The following SDC2 variants were observed in gnomAD, a reference collection of about 807,000 sequenced individuals.
The protein encoded by SDC2 is syndecan-2.
Under a neutral mutation model 22.2 loss-of-function variants are expected in SDC2, and 13 were observed. The ratio of observed to expected loss-of-function variants is 0.59; its 90% CI spans 0.38 to 0.93. The LOEUF is 0.93. SDC2 is among the 40% of genes least tolerant of loss of function. The pLI is 0.00. For missense variants in SDC2, 235 were observed against 246.8 expected, an observed-to-expected ratio of 0.95 and a Z score of 0.32; for synonymous variants, 94 against 92.8, an observed-to-expected ratio of 1.01 and a Z score of -0.07.
intron 1 of SDC2, among the ~76,000 whole-genome samples, chr8:96,539,311 A>C (rs1177766858): frequency 6.6e-6 from 1 of 152,152 alleles, no homozygotes; most frequent in Non-Finnish European, 1.5e-5. Flanking sequence ...AGATGATATA[A>C]AATTATTTTC....
intron 1 of SDC2, among the ~76,000 whole-genome samples, chr8:96,495,077 G>C (rs996259420): frequency 6.6e-6 from 1 of 152,180 alleles, no homozygotes; most frequent in Non-Finnish European, 1.5e-5. Flanking sequence ...GGGGCGTCAG[G>C]GACGGGAGGA....
At chr8:96,589,200 C>T (rs1336902306) in intron 1 of SDC2, among the ~76,000 whole-genome samples, 1 of 152,134 alleles carries the variant, frequency 6.6e-6, no homozygotes, top group Admixed American at 6.5e-5. Flanking sequence ...CTCAATTTTC[C>T]AACCTAAAGG....
chr8:96,525,165 C>G (rs566876019), intron 1 of SDC2, among the ~76,000 whole-genome samples: 4 of 152,184 alleles, frequency 2.6e-5, no homozygotes, highest in African/African-American at 7.2e-5. Flanking sequence ...TTGAAATGTT[C>G]AAGGCTGTCC....
intron 2 of SDC2, among the ~76,000 whole-genome samples, chr8:96,598,570 AT>A (rs1338351241): frequency 6.6e-6 from 1 of 152,118 alleles, no homozygotes; most frequent in Non-Finnish European, 1.5e-5. Flanking sequence ...GTGAGCTGTG[AT>A]TGCACTATTG....
At chr8:96,608,579 C>T in intron 4 of SDC2, 109 bp downstream of exon 4, 1 of 1,017,880 alleles carries the variant, frequency 9.8e-7, no homozygotes, top group Non-Finnish European at 1.4e-6. Context: ...CTGCTGAAAG[C>T]AGTCTTGTGG....
intron 1 of SDC2, among the ~76,000 whole-genome samples, chr8:96,569,987 G>A (rs1814364769): frequency 1.3e-5 from 2 of 152,230 alleles, no homozygotes; most frequent in Admixed American, 1.3e-4. Context: ...AGTCACCTCT[G>A]AAATGGCAAT....
At chr8:96,584,935 C>T (rs1814656789) in intron 1 of SDC2, 1 of 152,192 alleles carries the variant, frequency 6.6e-6, no homozygotes, top group African/African-American at 2.4e-5. Context: ...CTGTTGTTGC[C>T]AGAAAATTTA....
At chr8:96,552,118 C>G (rs1414632764) in intron 1 of SDC2, among the ~76,000 whole-genome samples, 1 of 152,224 alleles carries the variant, frequency 6.6e-6, no homozygotes, top group Non-Finnish European at 1.5e-5. Flanking sequence ...TGATGTTGCT[C>G]TTTTCTCACG....
chr8:96,540,331 T>C (rs1433793787), intron 1 of SDC2, among the ~76,000 whole-genome samples: 3 of 110,246 alleles, frequency 2.7e-5, no homozygotes, highest in Non-Finnish European at 6.1e-5. Flanking sequence ...GTCTCTACTA[T>C]ATATATGTGT....
intron 1 of SDC2, among the ~76,000 whole-genome samples, chr8:96,529,971 G>A (rs560683592): frequency 1.3e-5 from 2 of 152,194 alleles, no homozygotes; most frequent in South Asian, 4.1e-4. Flanking sequence ...ATCTTTCTGG[G>A]AATGATGTGC....
chr8:96,593,272 T>C (rs1444414596), intron 1 of SDC2, among the ~76,000 whole-genome samples: 1 of 152,222 alleles, frequency 6.6e-6, no homozygotes, highest in Non-Finnish European at 1.5e-5. Context: ...CTGTGTAGGC[T>C]TCCCTTGCAG....
intron 1 of SDC2, among the ~76,000 whole-genome samples, chr8:96,557,677 A>G (rs575588096): frequency 1.8e-4 from 28 of 152,266 alleles, no homozygotes; most frequent in African/African-American, 6.3e-4. Flanking sequence ...CTAATGGTAG[A>G]TGACGAGTTA....
chr8:96,605,325 C>T (rs975597661), intron 3 of SDC2, among the ~76,000 whole-genome samples: 6 of 152,202 alleles, frequency 3.9e-5, no homozygotes, highest in Non-Finnish European at 8.8e-5. Context: ...GATTTCTCTT[C>T]CCTTTTCTAA....
intron 1 of SDC2, among the ~76,000 whole-genome samples, chr8:96,555,221 A>G (rs1814090269): frequency 1.3e-5 from 2 of 152,146 alleles, no homozygotes; most frequent in Non-Finnish European, 2.9e-5. Flanking sequence ...CTTAAGAGGT[A>G]CCCACATATT....
At chr8:96,521,617 AAT>A (rs1210381408) in intron 1 of SDC2, among the ~76,000 whole-genome samples, 1 of 152,216 alleles carries the variant, frequency 6.6e-6, no homozygotes, top group African/African-American at 2.4e-5. Context: ...CTGTCAAAAA[AAT>A]ATGTCTATTT....
chr8:96,549,265 G>A (rs996574075), intron 1 of SDC2, among the ~76,000 whole-genome samples: 1 of 152,164 alleles, frequency 6.6e-6, no homozygotes, highest in African/African-American at 2.4e-5. Flanking sequence ...CAGAGGCCTT[G>A]GCTTAGATAA....
intron 1 of SDC2, among the ~76,000 whole-genome samples, chr8:96,533,965 G>A (rs1368410941): frequency 6.6e-6 from 1 of 152,192 alleles, no homozygotes; most frequent in Admixed American, 6.5e-5. Context: ...CGGGGAGGCA[G>A]CTGAGGTCCG....
chr8:96,608,322 T>C lies in SDC2; in HGVS notation c.307-13T>C. 1 of 1,609,060 alleles carries C rather than the reference T, an allele frequency of 6.2e-7. No homozygotes were observed. Among genetic ancestry groups the C allele is most frequent in the East Asian group, 2.2e-5 (1 of 44,850 alleles). Reference sequence around the variant, plus strand: ...CTTAAATCAATGTAATCTTTCCCTGTTTCCCATACCAGTCACCTGAAGAAA... The same window carrying C: ...CTTAAATCAATGTAATCTTTCCCTGCTTCCCATACCAGTCACCTGAAGAAA... On this transcript the variant is annotated splice_polypyrimidine_tract_variant and intron_variant, in intron 3 of 4. Coordinates refer to ENST00000302190, the MANE Select transcript of SDC2 (RefSeq NM_002998.4).
intron 1 of SDC2, among the ~76,000 whole-genome samples, chr8:96,550,456 G>T (rs1814009151): frequency 6.6e-6 from 1 of 152,200 alleles, no homozygotes. Context: ...CAAGCACTTG[G>T]TGGAGAATGT....
Sources: allele counts gnomAD v4.1 joint callset (sites outside exome capture counted in the v4.1 genomes callset), GRCh38; gene constraint gnomAD v4.1.1; transcripts MANE v1.5; gene names NCBI Gene and HGNC (gene_info 2026-07-23, HGNC 2026-07-21).